Variants in MAPK7 observed in about 807,000 individuals in gnomAD.
MAPK7 encodes the protein mitogen-activated protein kinase 7, also known as BMK-1.
A neutral mutation model predicts 56.9 loss-of-function variants in MAPK7; 30 were observed. The ratio of observed to expected loss-of-function variants is 0.53; its 90% CI spans 0.39 to 0.72. MAPK7 has a LOEUF of 0.72. Among genes scored for constraint, MAPK7 ranks in the 30% least tolerant of loss-of-function variants. The probability of loss-of-function intolerance (pLI) is 0.00; values close to 1 mark genes in which losing one functional copy is unlikely to be tolerated. For synonymous variants in MAPK7, 516 were observed against 449.3 expected, an observed-to-expected ratio of 1.15 and a Z score of -1.88; for missense variants, 952 against 1,110.8, an observed-to-expected ratio of 0.86 and a Z score of 2.03.
In MAPK7 at chr17:19,379,858, GA is replaced by G; in HGVS notation, c.311del (p.Lys104ArgfsTer18). On this transcript the variant is annotated frameshift_variant, in exon 3 of 7. Coordinates refer to ENST00000395604, the MANE Select transcript of MAPK7 (RefSeq NM_002749.4). LOFTEE classifies it high-confidence loss of function. The part of the protein sequence containing the change: ...TNAKRTLREL[K>X]ILKHFKHDNI... ...ATGCCAAGCGGACCCTCAGGGAGCT[GA>G]AGATCCTCAAGCACTTTAAACACGA... The G allele has an allele frequency of 6.2e-7, 1 of 1,614,222 alleles. No homozygotes were observed. Among genetic ancestry groups the G allele is most frequent in the East Asian group, 2.2e-5 (1 of 44,880 alleles).
At position 19,379,933 on chromosome 17, in the gene MAPK7, C is replaced by T. The variant is rs777130322; in HGVS notation, c.384C>T (p.Gly128=). ...KDILRPTVPY[G]EFKSVYVVLD... ...TCCTGAGGCCCACCGTGCCCTATGG[C>T]GAATTCAAATCTGTGTAAGAAGCGG... The change falls in exon 3 of 7, where the codon GGC becomes GGT. Residue 128 remains glycine, a synonymous_variant. Transcript: ENST00000395604. 3 of 1,613,844 alleles carry T rather than the reference C, an allele frequency of 1.9e-6. No homozygotes were observed. The highest frequency in any genetic ancestry group is 8.5e-7 in the Non-Finnish European group (1 of 1,179,874).
Position 19,383,427 on chromosome 17 carries a change from A to T in MAPK7, c.*196A>T, listed in dbSNP as rs999015995. On this transcript the variant is annotated 3_prime_UTR_variant, in exon 7 of 7. Coordinates refer to ENST00000395604, the MANE Select transcript of MAPK7 (RefSeq NM_002749.4). ...GCCATGGCAGGATCGGGAGACCCCA[A>T]CTCCCCCTGAACAATCCTTTTCAGT... 2 of 518,390 alleles carry T rather than the reference A, an allele frequency of 3.9e-6. No homozygotes were observed. The highest frequency in any genetic ancestry group is 6.8e-6 in the Non-Finnish European group (2 of 294,792). The allele number at this position is 518,390 out of a possible 1,614,324, so 32.1% of individuals were successfully genotyped here.
At position 19,381,044 on chromosome 17, in the gene MAPK7, G is replaced by A; in HGVS notation, c.835G>A (p.Gly279Ser). 6.2e-7 allele frequency: 1 copy of A among 1,614,090 alleles called. No homozygotes were observed. The highest frequency in any genetic ancestry group is 8.5e-7 in the Non-Finnish European group (1 of 1,180,028). ...GCTACAGCTCATCATGATGGTGCTG[G>A]GTACCCCATCACCAGCCGTGATTCA... ...HQLQLIMMVL[G>S]TPSPAVIQAV... Residue 279 changes from glycine to serine, a missense_variant, in exon 4 of 7, where the codon GGT becomes AGT. By Grantham distance (56) the Gly-to-Ser change is moderately conservative. Transcript: ENST00000395604. The surrounding 1 kb of genome is among the most constrained non-coding windows in gnomAD (Gnocchi z 4.6).
rs1912790405 is a variant in MAPK7, at chr17:19,382,398, G to A, written c.2095G>A (p.Ala699Thr). ...PGLPPPDAGG[A>T]PQSSMSESPD... ...CCTGCCGCCCCCAGACGCCGGGGGA[G>A]CCCCTCAGTCTTCCATGTCAGAGTC... Residue 699 changes from alanine to threonine, a missense_variant, in exon 5 of 7, where the codon GCC (alanine) becomes ACC (threonine). Physicochemically the swap from Ala to Thr is moderately conservative, Grantham distance 58. Transcript: ENST00000395604. 7 of 1,612,880 alleles carry A rather than the reference G, an allele frequency of 4.3e-6. No homozygotes were observed. The highest frequency in any genetic ancestry group is 5.9e-6 in the Non-Finnish European group (7 of 1,179,716).
chr17:19,379,994 A>G, intron 3 of MAPK7, 47 bp downstream of exon 3: 1 of 1,584,030 alleles, frequency 6.3e-7, no homozygotes, highest in Non-Finnish European at 8.6e-7. Context: ...ACTTTTCTGA[A>G]GGCTGCAACC....
At chr17:19,383,019 TG>T (rs1912857371) in intron 6 of MAPK7, 58 bp from the exon 7 acceptor site, 1 of 1,612,270 alleles carries the variant, frequency 6.2e-7, no homozygotes. Flanking sequence ...CATGCACCTG[TG>T]GGATGGGTGA....
Position 19,381,747 on chromosome 17 carries a change from C to G in MAPK7, c.1478-34C>G, listed in dbSNP as rs765696318. 3 of 1,539,738 alleles carry G rather than the reference C, an allele frequency of 1.9e-6. No individual in the cohort carries two copies. In the African/African-American group the frequency reaches 4.1e-5, roughly 21 times the overall value. On this transcript the variant is annotated intron_variant, in intron 4 of 6. Coordinates refer to ENST00000395604, the MANE Select transcript of MAPK7 (RefSeq NM_002749.4). The surrounding 1 kb of genome is among the most constrained non-coding windows in gnomAD (Gnocchi z 4.6). ...ACTTGGACTTGGACAAGGCTTCAGG[C>G]TTTTACCTTCTCCCCTGCCCAACTT...
chr17:19,379,329 C>T (rs1912424823), intron 2 of MAPK7, 197 bp downstream of exon 2: 2 of 607,084 alleles, frequency 3.3e-6, no homozygotes, highest in East Asian at 2.8e-5. Flanking sequence ...TTTTGCCATC[C>T]TGCCTGCCTA....
Position 19,383,278 on chromosome 17 carries a change from T to C in MAPK7, c.*47T>C. The C allele has an allele frequency of 1.9e-6, 3 of 1,598,764 alleles. No individual in the cohort carries two copies. Among genetic ancestry groups the C allele is most frequent in the Non-Finnish European group, 1.7e-6 (2 of 1,169,564 alleles). ...TGCCACAGTAGACCTAGTTCCAGGA[T>C]CCATGGGAGCATTCTCAAAGGCTTT... On this transcript the variant is annotated 3_prime_UTR_variant, in exon 7 of 7. Coordinates refer to ENST00000395604, the MANE Select transcript of MAPK7 (RefSeq NM_002749.4).
chr17:19,381,158 G>A lies in MAPK7; in HGVS notation c.949G>A (p.Asp317Asn), dbSNP rs780101862. 4 of 1,614,004 alleles carry A rather than the reference G, an allele frequency of 2.5e-6. No homozygotes were observed. Among genetic ancestry groups the A allele is most frequent in the Middle Eastern group, 1.6e-4 (1 of 6,062 alleles). The change falls in exon 4 of 7, where the codon GAC becomes AAC. Residue 317 changes from aspartate (D) to asparagine (N), a missense_variant. Around this residue, in one of 5 missense-constraint regions of MAPK7, gnomAD observed 429 missense variants for 533.0 expected, o/e 0.80. Coordinates refer to ENST00000395604, the MANE Select transcript of MAPK7 (RefSeq NM_002749.4). The surrounding 1 kb of genome is among the most constrained non-coding windows in gnomAD (Gnocchi z 4.6). ...CTGGGAGACAGTGTACCCAGGTGCC[G>A]ACCGCCAGGCCCTATCACTGCTGGG... is the stretch of plus-strand genomic sequence containing the variant. ...VPWETVYPGADRQALSLLGRM... is the reference protein window; with the variant it reads ...VPWETVYPGANRQALSLLGRM...
rs758738832 is a variant in MAPK7 at position 19,382,340 on chromosome 17, C to T, written c.2037C>T (p.Ser679=). 11 of 1,613,324 alleles carry T rather than the reference C, an allele frequency of 6.8e-6. No homozygotes were observed. In the Admixed American group the frequency reaches 1.2e-4, roughly 17 times the overall value. The change falls in exon 5 of 7, where the codon AGC becomes AGT. Residue 679 remains serine (S), a synonymous_variant. Transcript: ENST00000395604. ...LVPPPGLPGS[S]TPGVLPYFPP... ...CACCCCCTGGGCTGCCTGGCTCCAG[C>T]ACCCCAGGAGTTTTGCCTTACTTCC...
At chr17:19,377,939 G>T, upstream of MAPK7, 1 of 985,400 alleles carries the variant, frequency 1.0e-6, no homozygotes, top group Non-Finnish European at 1.2e-6. Flanking sequence ...GTCAGTGGAG[G>T]GTTCGGCCGG....
At position 19,381,179 on chromosome 17, in the gene MAPK7, C is replaced by T; in HGVS notation, c.970C>T (p.Leu324=). 1 of 1,614,136 alleles carries T rather than the reference C, an allele frequency of 6.2e-7. No individual in the cohort carries two copies. Residue 324 remains leucine (L), a synonymous_variant, in exon 4 of 7, where the codon CTG becomes TTG. Coordinates refer to ENST00000395604, the MANE Select transcript of MAPK7 (RefSeq NM_002749.4). The surrounding 1 kb of genome is among the most constrained non-coding windows in gnomAD (Gnocchi z 4.6). The part of the protein sequence containing the change: ...PGADRQALSL[L]GRMLRFEPSA... Reference sequence around the variant, plus strand: ...TGCCGACCGCCAGGCCCTATCACTGCTGGGTCGCATGCTGCGTTTTGAGCC... The same window carrying T: ...TGCCGACCGCCAGGCCCTATCACTGTTGGGTCGCATGCTGCGTTTTGAGCC...
intron 2 of MAPK7, 119 bp from the exon 3 acceptor site, chr17:19,379,663 C>T: frequency 3.5e-6 from 3 of 861,768 alleles, no homozygotes; most frequent in Non-Finnish European, 5.5e-6. Flanking sequence ...ATAGTAGGTA[C>T]CCAATACTTG....
At position 19,383,342 on chromosome 17, in the gene MAPK7, T is replaced by C. The variant is rs1360796003; in HGVS notation, c.*111T>C. 3.2e-6 allele frequency: 4 copies of C among 1,242,912 alleles called. No homozygotes were observed. Among genetic ancestry groups the C allele is most frequent in the Non-Finnish European group, 4.4e-6 (4 of 902,342 alleles). 77.0% of individuals were successfully genotyped at this position (1,242,912 alleles called of 1,614,324 possible). A position where few individuals can be genotyped will look rare whatever the true frequency, so the allele number is the denominator to read the frequency against. ...GCAGGTGAGGCTCGGCTTGGATTAT[T>C]CTGCAGGTTCATCTCAGACCCACCT... On this transcript the variant is annotated 3_prime_UTR_variant, in exon 7 of 7. Coordinates refer to ENST00000395604, the MANE Select transcript of MAPK7 (RefSeq NM_002749.4).
chr17:19,380,481 C>T, intron 3 of MAPK7, 127 bp from the exon 4 acceptor site: 5 of 1,460,526 alleles, frequency 3.4e-6, no homozygotes, highest in Non-Finnish European at 4.5e-6. Flanking sequence ...ACCATGCCGT[C>T]AGCCCCTATG....
intron 3 of MAPK7, chr17:19,380,359 AG>A: frequency 1.0e-6 from 1 of 975,816 alleles, no homozygotes. Context: ...GCCCTGGTGT[AG>A]TCCAACCCCA....
chr17:19,380,692 C>T lies in MAPK7; in HGVS notation c.483C>T (p.Tyr161=). 1 of 1,614,222 alleles carries T rather than the reference C, an allele frequency of 6.2e-7. No homozygotes were observed. The highest frequency in any genetic ancestry group is 8.5e-7 in the Non-Finnish European group (1 of 1,180,034). ...CCCTCACACTGGAACACGTGCGCTA[C>T]TTCCTGTACCAACTGCTGCGGGGCC... is the stretch of plus-strand genomic sequence containing the variant. ...SQPLTLEHVR[Y]FLYQLLRGLK... The change falls in exon 4 of 7, where the codon TAC becomes TAT. Residue 161 remains tyrosine (Y), a synonymous_variant. Coordinates refer to ENST00000395604, the MANE Select transcript of MAPK7 (RefSeq NM_002749.4).
Position 19,378,729 on chromosome 17 carries a change from T to G in MAPK7, c.-6+99T>G. 4 of 1,252,974 alleles carry G rather than the reference T, an allele frequency of 3.2e-6. No homozygotes were observed. Among genetic ancestry groups the G allele is most frequent in the Admixed American group, 3.5e-5 (1 of 28,976 alleles). The allele number at this position is 1,252,974 out of a possible 1,614,324, so 77.6% of individuals were successfully genotyped here. On this transcript the variant is annotated intron_variant, in intron 1 of 6. Transcript: ENST00000395604. The surrounding 1 kb of genome is among the most constrained non-coding windows in gnomAD (Gnocchi z 5.4). ...CCCCCGACCCTGGCGGGCCCCCGGC[T>G]CTGGGCCCGGACCCCTGGGGTAGCT...
Sources: gnomAD v4.1 joint callset for allele counts on GRCh38, gnomAD v4.1.1 for gene constraint, gnomAD v4.1.1 regional missense constraint, Gnocchi (gnomAD v3.1) non-coding constraint, MANE v1.5 for transcripts, NCBI Gene and HGNC (gene_info 2026-07-23, HGNC 2026-07-21) for gene names.